The following KCTD19 variants were observed in gnomAD, a reference collection of about 807,000 sequenced individuals.
The protein encoded by KCTD19 is BTB/POZ domain-containing protein KCTD19.
KCTD19 carries 67 observed loss-of-function variants against 103.5 expected under a neutral mutation model. The ratio of observed to expected loss-of-function variants is 0.65; its 90% confidence interval spans 0.53 to 0.79. KCTD19 has a LOEUF of 0.79. Among genes scored for constraint, KCTD19 ranks in the 30% least tolerant of loss-of-function variants. The pLI, the probability that KCTD19 is intolerant of heterozygous loss-of-function variation, is 0.00. For missense variants in KCTD19, 980 were observed against 1,136.1 expected (o/e 0.86, Z 1.98); for synonymous variants, 439 against 452.2 (o/e 0.97, Z 0.37).
chr16:67,295,585 A>G, intron 8 of KCTD19, 180 bp from the exon 9 acceptor site: 1 of 573,590 alleles, frequency 1.7e-6, no homozygotes. Context: ...GGAGAAGCAC[A>G]TCATCCCTGC....
In KCTD19 at chr16:67,291,418, T is replaced by G; in HGVS notation, c.2456A>C (p.Tyr819Ser). The change falls in exon 14 of 16, where the codon TAT (tyrosine) becomes TCT (serine). Residue 819 changes from tyrosine (Y) to serine (S), a missense_variant. By Grantham distance (144) the Tyr-to-Ser change is moderately radical. Coordinates refer to ENST00000304372, the MANE Select transcript of KCTD19 (RefSeq NM_001100915.3). ...CAGGAAGCAGTGACATTTCTGTGCA[T>G]AAAACATCTCTTCCCAGGACAGAGA... ...SFSLSWEEMF[Y>S]AQKCHCFLAD... is the part of the protein sequence containing the mutation. 1 of 1,614,212 alleles carries G rather than the reference T, an allele frequency of 6.2e-7. No homozygotes were observed. The highest frequency in any genetic ancestry group is 8.5e-7 in the Non-Finnish European group (1 of 1,180,026).
intron 2 of KCTD19, among the ~76,000 whole-genome samples, chr16:67,316,188 T>G (rs1383794267): frequency 1.1e-4 from 16 of 152,050 alleles, no homozygotes; most frequent in Non-Finnish European, 1.5e-5. Flanking sequence ...ACCACAGGCA[T>G]GCACCATCAT....
chr16:67,303,107 TCAGCCCGCCCCC>T lies in KCTD19; in HGVS notation c.643+27_643+38del. ...GATGGGGAGGGGTGAATGGGCCCTA[TCAGCCCGCCCCC>T]CACCCCACCCCGGACAGAGCAATCA... On this transcript the variant is annotated intron_variant, in intron 4 of 15. Coordinates refer to ENST00000304372, the MANE Select transcript of KCTD19 (RefSeq NM_001100915.3). This position sits in a 1 kb window ranked among gnomAD's most constrained non-coding sequence, Gnocchi z 4.3. 1.1e-6 allele frequency: 1 copy of T among 897,594 alleles called. No homozygotes were observed. Among genetic ancestry groups the T allele is most frequent in the Non-Finnish European group, 1.8e-6 (1 of 562,964 alleles). The allele number at this position is 897,594 out of a possible 1,614,324, so 55.6% of individuals were successfully genotyped here.
At chr16:67,289,829 G>A (rs2036655033) in intron 15 of KCTD19, 147 bp from the exon 16 acceptor site, 4 of 580,230 alleles carry the variant, frequency 6.9e-6, no homozygotes, top group Non-Finnish European at 1.2e-5. Context: ...CTCTGCCCCA[G>A]GGCATCTCAC....
In KCTD19 at chr16:67,301,905, G is replaced by A. The variant is rs560230103; in HGVS notation, c.661C>T (p.Gln221Ter). 6.2e-7 allele frequency: 1 copy of A among 1,613,840 alleles called. No homozygotes were observed. Among genetic ancestry groups the A allele is most frequent in the Non-Finnish European group, 8.5e-7 (1 of 1,179,754 alleles). Residue 221 changes from glutamine (Q) to a stop codon, truncating the protein, a stop_gained, in exon 5 of 16, where the codon CAG (glutamine) becomes TAG (stop). Transcript: ENST00000304372. LOFTEE classifies it high-confidence loss of function. ...AAATTATCCGGTAGTAAAATCTTCT[G>A]TGAGCGAAGAAAATTCACTTGAAAA... ...FRFIVNFLRSQKILLPDNFSN... is the reference protein window; with the variant it reads ...FRFIVNFLRS
Position 67,294,595 on chromosome 16 carries a change from A to C in KCTD19, c.1575T>G (p.Ser525Arg). The change falls in exon 11 of 16, where the codon AGT becomes AGG. Residue 525 changes from serine to arginine, a missense_variant. Ser to Arg is a moderately radical substitution (Grantham distance 110, BLOSUM62 -1). Coordinates refer to ENST00000304372, the MANE Select transcript of KCTD19 (RefSeq NM_001100915.3). ...TGGTGCTTACTTCTTTAGTGTCTCT[A>C]CTGAACTCCACCAGTGACCCTGGCC... ...TEGPGSLVEF[S>R]RDTKETTAYM... The C allele has an allele frequency of 2.5e-6, 4 of 1,612,012 alleles. No individual in the cohort carries two copies. Among genetic ancestry groups the C allele is most frequent in the African/African-American group, 1.3e-5 (1 of 75,010 alleles).
intron 14 of KCTD19, 33 bp from the exon 15 acceptor site, chr16:67,291,019 G>A (rs1567446047): frequency 6.2e-7 from 1 of 1,606,048 alleles, no homozygotes; most frequent in Non-Finnish European, 8.5e-7. Flanking sequence ...GGCAGTGCTA[G>A]GGCAGCTCCT....
In KCTD19 at chr16:67,300,160, AC is replaced by A. The variant is rs1048729946; in HGVS notation, c.776-588del. The A allele has an allele frequency of 1.3e-5, 2 of 152,724 alleles. No homozygotes were observed. The highest frequency in any genetic ancestry group is 2.9e-5 in the Non-Finnish European group (2 of 68,462). The allele number at this position is 152,724 out of a possible 1,614,324, so 9.5% of individuals were successfully genotyped here. On this transcript the variant is annotated intron_variant, in intron 5 of 15. Coordinates refer to ENST00000304372, the MANE Select transcript of KCTD19 (RefSeq NM_001100915.3). This position sits in a 1 kb window ranked among gnomAD's most constrained non-coding sequence, Gnocchi z 4.5. ...CCTTCAGGACCCTGCTCCCGTGGCA[AC>A]AATGTGCCAGTGGGCACACTGCTGG...
In KCTD19 at chr16:67,301,932, C is replaced by T; in HGVS notation, c.644-10G>A. ...GAGCGAAGAAAATTCACTTGAAAAA[C>T]AAAGGGGAACACAGTGAGTTAATGA... is the stretch of plus-strand genomic sequence containing the variant. On this transcript the variant is annotated splice_polypyrimidine_tract_variant and intron_variant, in intron 4 of 15. Coordinates refer to ENST00000304372, the MANE Select transcript of KCTD19 (RefSeq NM_001100915.3). 6.2e-7 allele frequency: 1 copy of T among 1,613,688 alleles called. No homozygotes were observed. Among genetic ancestry groups the T allele is most frequent in the Non-Finnish European group, 8.5e-7 (1 of 1,179,762 alleles).
intron 5 of KCTD19, 32 bp downstream of exon 5, chr16:67,301,759 C>T (rs759032535): frequency 6.2e-6 from 10 of 1,609,494 alleles, no homozygotes; most frequent in African/African-American, 5.3e-5. Context: ...CCAAGACTGT[C>T]GAGGGGGAGC....
chr16:67,317,168 G>A (rs1024013003), intron 2 of KCTD19, among the ~76,000 whole-genome samples: 1 of 152,088 alleles, frequency 6.6e-6, no homozygotes, highest in Non-Finnish European at 1.5e-5. Context: ...GCCACGTATG[G>A]TTATTGACTA....
intron 2 of KCTD19, among the ~76,000 whole-genome samples, chr16:67,319,613 G>A (rs910215419): frequency 2.6e-5 from 4 of 151,912 alleles, no homozygotes; most frequent in Admixed American, 1.3e-4. Context: ...CTGTGGCTTG[G>A]AGAAAAATTA....
At chr16:67,305,530 G>A (rs967882300) in intron 2 of KCTD19, 4 of 445,366 alleles carry the variant, frequency 9.0e-6, no homozygotes, top group Non-Finnish European at 1.8e-5. Flanking sequence ...GGCTGGAGTG[G>A]AGCACCCCAA....
chr16:67,320,995 T>G lies in KCTD19; in HGVS notation c.4-110A>C. The G allele has an allele frequency of 1.0e-6, 1 of 995,732 alleles. No homozygotes were observed. The highest frequency in any genetic ancestry group is 1.4e-6 in the Non-Finnish European group (1 of 693,248). The allele number at this position is 995,732 out of a possible 1,614,324, so 61.7% of individuals were successfully genotyped here. A position where few individuals can be genotyped will look rare whatever the true frequency, so the allele number is the denominator to read the frequency against. ...TGTTTGCTGATGACATGATCTTGTATATAAAAAATCCTAAGGAATTCACCA... is the reference window on the plus strand; with the variant it reads ...TGTTTGCTGATGACATGATCTTGTAGATAAAAAATCCTAAGGAATTCACCA... On this transcript the variant is annotated intron_variant, in intron 1 of 15. Coordinates refer to ENST00000304372, the MANE Select transcript of KCTD19 (RefSeq NM_001100915.3). The surrounding 1 kb of genome is among the most constrained non-coding windows in gnomAD (Gnocchi z 4.0).
At position 67,323,197 on chromosome 16, in the gene KCTD19, C is replaced by G. The variant is rs1192943021; in HGVS notation, c.4-2312G>C. 6.6e-6 allele frequency among the ~76,000 whole-genome samples: 1 copy of G among 152,198 alleles called. No individual in the cohort carries two copies. Among genetic ancestry groups the G allele is most frequent in the African/African-American group, 2.4e-5 (1 of 41,454 alleles). On this transcript the variant is annotated intron_variant, in intron 1 of 15. Coordinates refer to ENST00000304372, the MANE Select transcript of KCTD19 (RefSeq NM_001100915.3). The surrounding 1 kb of genome is among the most constrained non-coding windows in gnomAD (Gnocchi z 4.1). The stretch of plus-strand genomic sequence containing the variant: ...CTACTATGAGCCAGCAATTCCACTC[C>G]TAGGTGTACACTTAAGACAAATAAA...
At position 67,291,783 on chromosome 16, in the gene KCTD19, C is replaced by G; in HGVS notation, c.2273G>C (p.Gly758Ala). Residue 758 changes from glycine to alanine, a missense_variant, in exon 13 of 16, where the codon GGG becomes GCG. Physicochemically the swap from Gly to Ala is moderately conservative, Grantham distance 60. Coordinates refer to ENST00000304372, the MANE Select transcript of KCTD19 (RefSeq NM_001100915.3). ...GGGGTGAGTCACTTTGAGGATAACC[C>G]CTAGGCTGTCCACCTCACTGGCCTC... ...LPEASEVDSL[G>A]VILKVTHPPV... 4 of 1,614,046 alleles carry G rather than the reference C, an allele frequency of 2.5e-6. No homozygotes were observed. The highest frequency in any genetic ancestry group is 3.4e-6 in the Non-Finnish European group (4 of 1,179,942).
Position 67,293,990 on chromosome 16 carries a change from C to A in KCTD19, c.1772G>T (p.Cys591Phe). The A allele has an allele frequency of 6.2e-7, 1 of 1,614,100 alleles. No individual in the cohort carries two copies. The highest frequency in any genetic ancestry group is 8.5e-7 in the Non-Finnish European group (1 of 1,180,008). ...TCCAGGATTGGTACACAAGCCACGG[C>A]AGTGTGAGTATGTGCTAGGGTTGCC... is the stretch of plus-strand genomic sequence containing the variant. ...RAGNPSTYSH[C>F]RGLCTNPGHW... Residue 591 changes from cysteine to phenylalanine, a missense_variant, in exon 12 of 16, where the codon TGC (cysteine) becomes TTC (phenylalanine). Coordinates refer to ENST00000304372, the MANE Select transcript of KCTD19 (RefSeq NM_001100915.3). The surrounding 1 kb of genome is among the most constrained non-coding windows in gnomAD (Gnocchi z 4.0).
chr16:67,319,116 A>G (rs1220260530), intron 2 of KCTD19, among the ~76,000 whole-genome samples: 3 of 151,892 alleles, frequency 2.0e-5, no homozygotes, highest in Non-Finnish European at 4.4e-5. Flanking sequence ...TCAGCTACTC[A>G]GGAGGCTGAG....
chr16:67,304,666 A>AAT, intron 2 of KCTD19, 95 bp from the exon 3 acceptor site: 1 of 1,105,990 alleles, frequency 9.0e-7, no homozygotes, highest in Non-Finnish European at 1.3e-6. Flanking sequence ...TATGTGACTT[A>AAT]CTTTTTTTTT....
Sources: gnomAD v4.1 joint callset for allele counts (sites outside exome capture counted in the v4.1 genomes callset) on GRCh38, gnomAD v4.1.1 for gene constraint, Gnocchi (gnomAD v3.1) non-coding constraint, MANE v1.5 for transcripts, NCBI Gene and HGNC (gene_info 2026-07-23, HGNC 2026-07-21) for gene names.